ATP2C1: variants seen among roughly 807,000 people sequenced by gnomAD.
The protein encoded by ATP2C1 is ATPase secretory pathway Ca2+ transporting 1, also known as calcium-transporting ATPase type 2C member 1.
A neutral mutation model predicts 120.5 loss-of-function variants in ATP2C1; 31 were observed. That is an observed-to-expected ratio of 0.26 (90% CI 0.19 to 0.35). The LOEUF (loss-of-function observed/expected upper bound fraction) is 0.35, where lower values mean the gene tolerates loss of function less well. Among genes scored for constraint, ATP2C1 ranks in the 10% least tolerant of loss-of-function variants. The pLI is 1.00. For synonymous variants in ATP2C1, 351 were observed against 358.7 expected, an observed-to-expected ratio of 0.98 and a Z score of 0.24; for missense variants, 731 against 1,107.5, an observed-to-expected ratio of 0.66 and a Z score of 4.83.
At chr3:130,929,124 A>G (rs2059343475) in intron 2 of ATP2C1, among the ~76,000 whole-genome samples, 1 of 152,210 alleles carries the variant, frequency 6.6e-6, no homozygotes, top group Non-Finnish European at 1.5e-5. Context: ...AATTTGCAGT[A>G]AAGAAAGGTA....
chr3:130,960,174 T>C (rs146186353), intron 12 of ATP2C1, among the ~76,000 whole-genome samples: 213 of 152,312 alleles, frequency 1.4e-3, no homozygotes, highest in African/African-American at 4.9e-3. Context: ...CATTAGCAAC[T>C]GCAGTTTCTA....
chr3:130,865,348 T>C (rs1036739068), intron 1 of ATP2C1, among the ~76,000 whole-genome samples: 1 of 152,210 alleles, frequency 6.6e-6, no homozygotes, highest in Admixed American at 6.5e-5. Context: ...TACAGGCTCA[T>C]AGGCGGAAGG....
At chr3:130,904,996 T>C (rs754122637) in intron 2 of ATP2C1, among the ~76,000 whole-genome samples, 3 of 152,086 alleles carry the variant, frequency 2.0e-5, no homozygotes, top group Non-Finnish European at 2.9e-5. Context: ...TTTTCTACAA[T>C]ACCCTCTCTC....
intron 21 of ATP2C1, 33 bp from the exon 22 acceptor site, chr3:130,993,898 TC>T (rs1302985549): frequency 1.2e-6 from 2 of 1,612,736 alleles, no homozygotes; most frequent in African/African-American, 2.7e-5. Flanking sequence ...TTATCAAAAT[TC>T]CTTCCTCTCC....
chr3:130,875,722 A>C (rs2068579675), intron 1 of ATP2C1, among the ~76,000 whole-genome samples: 1 of 152,202 alleles, frequency 6.6e-6, no homozygotes, highest in Non-Finnish European at 1.5e-5. Flanking sequence ...CGGCTGTACA[A>C]ATTTACAATC....
chr3:130,889,773 G>C (rs542566215), upstream of ATP2C1, among the ~76,000 whole-genome samples: 4 of 150,602 alleles, frequency 2.7e-5, no homozygotes, highest in South Asian at 8.3e-4. Flanking sequence ...AGCTGCCTGA[G>C]TATCAGGGAC....
chr3:130,952,195 A>G lies in ATP2C1; in HGVS notation c.532-1626A>G, dbSNP rs143355337. 7.6e-3 allele frequency among the ~76,000 whole-genome samples: 1,153 copies of G among 152,174 alleles called. 18 individuals are homozygous for G. Among genetic ancestry groups the G allele is most frequent in the African/African-American group, 0.026 (1,098 of 41,506 alleles). Reference sequence around the variant, plus strand: ...CCCTCTACCTGGCATTATGTTATATACTCGTGCTTGTTTAAAATCACTTTC... The same window carrying G: ...CCCTCTACCTGGCATTATGTTATATGCTCGTGCTTGTTTAAAATCACTTTC... On this transcript the variant is annotated intron_variant, in intron 8 of 27. Transcript: ENST00000510168.
At chr3:130,926,744 G>A (rs852224) in intron 2 of ATP2C1, among the ~76,000 whole-genome samples, 136,118 of 152,302 alleles carry the variant, frequency 0.89, 61,112 homozygotes, top group Non-Finnish European at 0.95. Context: ...CTTGGGCGTC[G>A]CCTTCCAACT....
intron 2 of ATP2C1, among the ~76,000 whole-genome samples, chr3:130,916,271 C>G (rs2058685177): frequency 6.6e-6 from 1 of 150,964 alleles, no homozygotes; most frequent in Non-Finnish European, 1.5e-5. Context: ...AAAAAATTAG[C>G]CAGGCATGGC....
chr3:130,880,990 TC>T (rs1242851155), intron 1 of ATP2C1, among the ~76,000 whole-genome samples: 1 of 152,176 alleles, frequency 6.6e-6, no homozygotes, highest in Non-Finnish European at 1.5e-5. Flanking sequence ...ATATCTGACT[TC>T]CAGCAGTTAC....
intron 8 of ATP2C1, among the ~76,000 whole-genome samples, chr3:130,945,609 T>A (rs374104201): frequency 6.8e-6 from 1 of 147,082 alleles, no homozygotes; most frequent in African/African-American, 2.5e-5. Flanking sequence ...AGTGAGAACA[T>A]GTGGTGTTTG....
At chr3:130,854,425 T>A (rs2107690791) in intron 1 of ATP2C1, among the ~76,000 whole-genome samples, 1 of 152,226 alleles carries the variant, frequency 6.6e-6, no homozygotes, top group East Asian at 1.9e-4. Flanking sequence ...TTGGTTTCGG[T>A]TATTTTATTT....
chr3:130,998,092 GT>G (rs1055604684), intron 25 of ATP2C1, among the ~76,000 whole-genome samples: 18 of 148,732 alleles, frequency 1.2e-4, no homozygotes, highest in South Asian at 8.6e-4. Flanking sequence ...TTCATGAGAA[GT>G]TTTTTTTTTA....
At chr3:131,012,845 A>G (rs2063381961) in intron 26 of ATP2C1, among the ~76,000 whole-genome samples, 1 of 152,220 alleles carries the variant, frequency 6.6e-6, no homozygotes, top group Non-Finnish European at 1.5e-5. Context: ...GTAAAAGTCA[A>G]CACTTGGCAG....
chr3:131,012,266 T>C (rs1039890065), intron 26 of ATP2C1, among the ~76,000 whole-genome samples: 6 of 147,412 alleles, frequency 4.1e-5, no homozygotes, highest in African/African-American at 1.5e-4. Context: ...TTTTCTTTTT[T>C]TTTTTTTTTT....
chr3:130,939,861 C>T (rs1180598336), intron 6 of ATP2C1, among the ~76,000 whole-genome samples: 1 of 152,264 alleles, frequency 6.6e-6, no homozygotes, highest in East Asian at 1.9e-4. Context: ...CATTCCCAAC[C>T]CTTCTACCTC....
intron 14 of ATP2C1, among the ~76,000 whole-genome samples, chr3:130,966,803 C>G (rs79510606): frequency 0.027 from 4,105 of 152,196 alleles, 190 homozygotes; most frequent in African/African-American, 0.093. Flanking sequence ...TATGGTAATG[C>G]ATTTGAGTTC....
chr3:130,878,657 A>G (rs2107804514), intron 1 of ATP2C1, among the ~76,000 whole-genome samples: 1 of 152,304 alleles, frequency 6.6e-6, no homozygotes, highest in East Asian at 1.9e-4. Context: ...TGCTGGGTAT[A>G]GTATTCTTGC....
intron 1 of ATP2C1, among the ~76,000 whole-genome samples, chr3:130,866,845 T>C (rs1354488205): frequency 1.3e-5 from 2 of 152,236 alleles, no homozygotes; most frequent in Non-Finnish European, 2.9e-5. Flanking sequence ...TATATATACA[T>C]AGCACTTAAC....
Sources: gnomAD v4.1 joint callset for allele counts (sites outside exome capture counted in the v4.1 genomes callset) on GRCh38, gnomAD v4.1.1 for gene constraint, MANE v1.5 for transcripts, NCBI Gene and HGNC (gene_info 2026-07-23, HGNC 2026-07-21) for gene names.